The following USP30 variants were observed in gnomAD, a reference collection of about 807,000 sequenced individuals.
USP30 encodes ubiquitin carboxyl-terminal hydrolase 30.
In USP30, 41 loss-of-function variants were observed where a neutral mutation model predicts 68.2. The observed-to-expected ratio is 0.60, with a 90% confidence interval of 0.47 to 0.78. The LOEUF (loss-of-function observed/expected upper bound fraction) is 0.78, where lower values mean the gene tolerates loss of function less well. Ranked by LOEUF, USP30 falls within the 30% of genes least tolerant of loss-of-function variation. USP30 has a pLI of 0.00. For synonymous variants in USP30, 229 were observed against 253.7 expected (o/e 0.90, Z 0.93); for missense variants, 522 against 649.4 (o/e 0.80, Z 2.13).
At chr12:109,053,821 C>G (rs935977376) in intron 1 of USP30, 3 of 267,508 alleles carry the variant, frequency 1.1e-5, no homozygotes, top group African/African-American at 6.8e-5. Flanking sequence ...CTTATGCTGC[C>G]AAAGTCATGG....
At chr12:109,055,980 A>G (rs1379626163) in intron 1 of USP30, among the ~76,000 whole-genome samples, 2 of 152,118 alleles carry the variant, frequency 1.3e-5, no homozygotes, top group Non-Finnish European at 2.9e-5. Flanking sequence ...GAAGGGAGGT[A>G]AAGGAGTGAG....
At chr12:109,040,419 C>G (rs1030060156) in intron 3 of USP30, among the ~76,000 whole-genome samples, 2 of 152,158 alleles carry the variant, frequency 1.3e-5, no homozygotes, top group Non-Finnish European at 2.9e-5. Flanking sequence ...AACATTGCTC[C>G]TGCTATAGTA....
chr12:109,062,473 T>C (rs1471262636), intron 3 of USP30, among the ~76,000 whole-genome samples: 1 of 151,874 alleles, frequency 6.6e-6, no homozygotes, highest in Admixed American at 6.6e-5. Context: ...TAGCTGGGAT[T>C]ATAGGCGCCA....
At chr12:109,051,898 T>C (rs535016344), upstream of USP30, among the ~76,000 whole-genome samples, 1 of 152,302 alleles carries the variant, frequency 6.6e-6, no homozygotes, top group South Asian at 2.1e-4. Flanking sequence ...TTAATGTGGC[T>C]ACTGGAAAAT....
chr12:109,035,159 T>G (rs1449780592), intron 3 of USP30, among the ~76,000 whole-genome samples: 1 of 152,148 alleles, frequency 6.6e-6, no homozygotes, highest in Non-Finnish European at 1.5e-5. Context: ...ATTTACATTT[T>G]ACTATTTGCT....
intron 3 of USP30, among the ~76,000 whole-genome samples, chr12:109,063,952 G>A (rs935499327): frequency 1.0e-4 from 15 of 147,496 alleles, no homozygotes; most frequent in East Asian, 4.0e-4. Context: ...AGCTCACTGC[G>A]ACCTCCGCCT....
chr12:109,028,221 A>T (rs927701932), intron 3 of USP30, among the ~76,000 whole-genome samples: 1 of 151,984 alleles, frequency 6.6e-6, no homozygotes, highest in African/African-American at 2.4e-5. Context: ...TTGTTCGGGG[A>T]TTTTTGCTGT....
At chr12:109,079,487 CT>C (rs1379365277) in intron 7 of USP30, among the ~76,000 whole-genome samples, 4 of 150,950 alleles carry the variant, frequency 2.6e-5, no homozygotes, top group African/African-American at 9.8e-5. Flanking sequence ...CCTTAGCCCC[CT>C]GAGCAGCTGG....
upstream of USP30, among the ~76,000 whole-genome samples, chr12:109,051,499 C>T (rs2040672540): frequency 6.9e-6 from 1 of 145,320 alleles, no homozygotes; most frequent in Admixed American, 6.9e-5. Flanking sequence ...CTCAAGCAAT[C>T]CGTGCCCCCC....
chr12:109,075,561 A>G (rs1358181988), intron 7 of USP30, among the ~76,000 whole-genome samples: 1 of 152,186 alleles, frequency 6.6e-6, no homozygotes, highest in Non-Finnish European at 1.5e-5. Context: ...CATATTGGCC[A>G]GGCTGGTCTT....
intron 3 of USP30, among the ~76,000 whole-genome samples, chr12:109,039,589 C>A (rs941652512): frequency 6.6e-6 from 1 of 151,956 alleles, no homozygotes; most frequent in Non-Finnish European, 1.5e-5. Flanking sequence ...GGTGCTGTAA[C>A]TATTCTTATT....
chr12:109,052,695 C>T lies in USP30; in HGVS notation c.17C>T (p.Ala6Val), dbSNP rs2040700740. The T allele has an allele frequency of 2.0e-6, 3 of 1,488,202 alleles. No homozygotes were observed. The highest frequency in any genetic ancestry group is 1.5e-5 in the African/African-American group (1 of 68,182). The allele number at this position is 1,488,202 out of a possible 1,614,324, so 92.2% of individuals were successfully genotyped here. Reference protein sequence around the residue: MLSSRAEAAMTAADRA... With the variant: MLSSRVEAAMTAADRA... ...GCGGCTGCAATGCTGAGCTCCCGGG[C>T]CGAGGCGGCGATGACCGCGGCCGAC... The change falls in exon 1 of 13, where the codon GCC becomes GTC. Residue 6 changes from alanine (A) to valine (V), a missense_variant. Transcript: ENST00000257548.
At chr12:109,071,872 G>A (rs1453834894) in intron 5 of USP30, among the ~76,000 whole-genome samples, 162 bp downstream of exon 5, 1 of 152,216 alleles carries the variant, frequency 6.6e-6, no homozygotes, top group Non-Finnish European at 1.5e-5. Flanking sequence ...ATGCTTTGCA[G>A]TTGGTGATCT....
upstream of USP30, among the ~76,000 whole-genome samples, chr12:109,050,903 A>C (rs952540272): frequency 1.3e-5 from 2 of 152,042 alleles, no homozygotes; most frequent in African/African-American, 4.8e-5. Flanking sequence ...GCTACTCAGG[A>C]GGCTGAGGCA....
chr12:109,046,143 T>A (rs2040602948), intron 3 of USP30, among the ~76,000 whole-genome samples: 1 of 137,012 alleles, frequency 7.3e-6, no homozygotes, highest in African/African-American at 2.6e-5. Context: ...ACTCTGTTGC[T>A]AGGCTGGAGT....
chr12:109,055,401 T>TATATATATATATA (rs61062424), intron 1 of USP30, among the ~76,000 whole-genome samples: 11 of 29,622 alleles, frequency 3.7e-4, no homozygotes, highest in African/African-American at 1.3e-3. Flanking sequence ...TATATATATA[T>TATATATATATATA]TTTTTTTTTT....
chr12:109,081,302 C>T (rs552359918), intron 7 of USP30, 32 bp from the exon 8 acceptor site: 4 of 1,611,630 alleles, frequency 2.5e-6, no homozygotes, highest in South Asian at 2.2e-5. Context: ...AAGCCTAAAT[C>T]GTTTCTGGAT....
chr12:109,039,852 G>C (rs2040550784), intron 3 of USP30, among the ~76,000 whole-genome samples: 1 of 152,062 alleles, frequency 6.6e-6, no homozygotes, highest in Non-Finnish European at 1.5e-5. Context: ...CTCATGATCT[G>C]CCTGCCTTGG....
intron 3 of USP30, among the ~76,000 whole-genome samples, chr12:109,038,438 C>T (rs947934877): frequency 1.3e-5 from 2 of 152,124 alleles, no homozygotes; most frequent in Non-Finnish European, 2.9e-5. Context: ...CATGTCATTG[C>T]TATTGTAAAT....
Sources: gnomAD v4.1 joint callset for allele counts (sites outside exome capture counted in the v4.1 genomes callset) on GRCh38, gnomAD v4.1.1 for gene constraint, MANE v1.5 for transcripts, NCBI Gene and HGNC (gene_info 2026-07-23, HGNC 2026-07-21) for gene names.